The following NETO1 variants were observed in gnomAD, a reference collection of about 807,000 sequenced individuals.
NETO1 encodes neuropilin and tolloid-like protein 1.
Under a neutral mutation model 61.3 loss-of-function variants are expected in NETO1, and 26 were observed. The ratio of observed to expected loss-of-function variants is 0.42; its 90% CI spans 0.31 to 0.59. The LOEUF (loss-of-function observed/expected upper bound fraction) is 0.59. Among genes scored for constraint, NETO1 ranks in the 20% least tolerant of loss-of-function variants. The pLI, the probability that NETO1 is intolerant of heterozygous loss-of-function variation, is 0.12. For missense variants in NETO1, 531 were observed against 662.8 expected (o/e 0.80, Z 2.18); for synonymous variants, 225 against 225.8 (o/e 1.00, Z 0.03).
chr18:72,841,676 G>A (rs1261549686), intron 4 of NETO1, among the ~76,000 whole-genome samples: 1 of 137,860 alleles, frequency 7.3e-6, no homozygotes, highest in Non-Finnish European at 1.5e-5. Flanking sequence ...GGAGGTTGCA[G>A]TGAGCTGAGA....
chr18:72,796,871 CT>C lies in NETO1; in HGVS notation c.470-2468del, dbSNP rs2145295517. The stretch of plus-strand genomic sequence containing the variant: ...TAGATCATTTGGAACAAGATGCTTC[CT>C]AGTAGAAATTTGTTTCTTCATCTAA... On this transcript the variant is annotated intron_variant, in intron 4 of 10. Transcript: ENST00000327305. Among the ~76,000 whole-genome samples the C allele has an allele frequency of 1.3e-5, 2 of 152,156 alleles. 1 individual carries two copies. Among genetic ancestry groups the C allele is most frequent in the African/African-American group, 4.8e-5 (2 of 41,512 alleles).
intron 4 of NETO1, among the ~76,000 whole-genome samples, chr18:72,799,593 T>G (rs1226897779): frequency 1.3e-5 from 2 of 152,252 alleles, no homozygotes; most frequent in Non-Finnish European, 2.9e-5. Context: ...ACAGAAATGC[T>G]GTGCTGGCTA....
At chr18:72,774,195 A>G (rs2071470249) in intron 7 of NETO1, among the ~76,000 whole-genome samples, 1 of 152,206 alleles carries the variant, frequency 6.6e-6, no homozygotes, top group Admixed American at 6.5e-5. Flanking sequence ...AGAGCAGAAG[A>G]GCAGCTAAAT....
intron 4 of NETO1, among the ~76,000 whole-genome samples, chr18:72,856,038 T>C (rs1255776668): frequency 6.6e-6 from 1 of 152,222 alleles, no homozygotes. Context: ...TTAGTATGTA[T>C]ACATATGTAT....
intron 4 of NETO1, among the ~76,000 whole-genome samples, chr18:72,796,255 T>C (rs1029650577): frequency 6.6e-6 from 1 of 152,156 alleles, no homozygotes; most frequent in African/African-American, 2.4e-5. Flanking sequence ...TACAGGCTGA[T>C]TGTTAGTTTA....
intron 7 of NETO1, among the ~76,000 whole-genome samples, chr18:72,778,276 G>C (rs552406657): frequency 6.6e-6 from 1 of 152,212 alleles, no homozygotes; most frequent in East Asian, 1.9e-4. Flanking sequence ...CCACCGAGTT[G>C]GCCAATCCAC....
chr18:72,837,613 A>G (rs879002835), intron 4 of NETO1, among the ~76,000 whole-genome samples: 3 of 152,184 alleles, frequency 2.0e-5, no homozygotes, highest in South Asian at 2.1e-4. Context: ...CTATTTTCTT[A>G]ATTATAATAT....
chr18:72,866,749 T>A, intron 1 of NETO1: 3 of 989,402 alleles, frequency 3.0e-6, no homozygotes, highest in Non-Finnish European at 3.6e-6. Context: ...CACACACCCA[T>A]AAAGCGACAT....
Position 72,783,909 on chromosome 18 carries a change from A to G in NETO1, c.640-3T>C, listed in dbSNP as rs1436968932. ...TAGTCCAAGAATCGTAAGTAAATCT[A>G]TAAAACAAAAATAAAATAATTTCCA... On this transcript the variant is annotated splice_polypyrimidine_tract_variant and splice_region_variant and intron_variant, in intron 6 of 10. Coordinates refer to ENST00000327305, the MANE Select transcript of NETO1 (RefSeq NM_138966.5). 3 of 1,594,340 alleles carry G rather than the reference A, an allele frequency of 1.9e-6. No homozygotes were observed. The Admixed American group carries it at 5.0e-5, about 27-fold the overall frequency.
In NETO1 at chr18:72,867,778, G is replaced by GCGGCGGCGGCGGCGC. The variant is rs1171366502; in HGVS notation, c.-502_-488dup. On this transcript the variant is annotated 5_prime_UTR_variant, in exon 1 of 11. Transcript: ENST00000327305. ...CAGACCGACGGCAGCGACGGAGCGG[G>GCGGCGGCGGCGGCGC]CGGCGGCGGCGGCGCCGGCGGCGGC... 1 of 156,342 alleles carries GCGGCGGCGGCGGCGC rather than the reference G, an allele frequency of 6.4e-6. No homozygotes were observed. The highest frequency in any genetic ancestry group is 2.5e-5 in the African/African-American group (1 of 40,512). 9.7% of individuals were successfully genotyped at this position (156,342 alleles called of 1,614,324 possible).
chr18:72,781,732 G>A (rs1017731471), intron 7 of NETO1, among the ~76,000 whole-genome samples: 7 of 152,180 alleles, frequency 4.6e-5, no homozygotes, highest in Admixed American at 1.3e-4. Flanking sequence ...TGGCTCCTCT[G>A]CTGCTGACAA....
At chr18:72,814,687 C>T (rs1367401676) in intron 4 of NETO1, among the ~76,000 whole-genome samples, 1 of 151,692 alleles carries the variant, frequency 6.6e-6, no homozygotes, top group Non-Finnish European at 1.5e-5. Flanking sequence ...TATGCAAATT[C>T]AAAACCAAAG....
At chr18:72,793,414 G>T (rs555339111) in intron 6 of NETO1, among the ~76,000 whole-genome samples, 1 of 152,218 alleles carries the variant, frequency 6.6e-6, no homozygotes, top group African/African-American at 2.4e-5. Context: ...CCAAAATGGG[G>T]TCCTGAGTCA....
At chr18:72,763,134 T>A (rs548245074) in intron 7 of NETO1, among the ~76,000 whole-genome samples, 1 of 140,332 alleles carries the variant, frequency 7.1e-6, no homozygotes, top group South Asian at 2.1e-4. Context: ...TAGATTTCGT[T>A]TTTTTTTTTG....
chr18:72,838,468 T>C (rs1349106122), intron 4 of NETO1, among the ~76,000 whole-genome samples: 1 of 152,200 alleles, frequency 6.6e-6, no homozygotes, highest in Non-Finnish European at 1.5e-5. Flanking sequence ...CCACTTGGCT[T>C]GTAGGTAACT....
chr18:72,851,112 G>A (rs1220430968), intron 4 of NETO1, among the ~76,000 whole-genome samples: 1 of 152,126 alleles, frequency 6.6e-6, no homozygotes, highest in African/African-American at 2.4e-5. Flanking sequence ...TAGGGAGCAG[G>A]AAAATTCGTG....
chr18:72,790,112 G>A (rs1045895135), intron 6 of NETO1, among the ~76,000 whole-genome samples: 10 of 152,078 alleles, frequency 6.6e-5, no homozygotes, highest in African/African-American at 9.7e-5. Flanking sequence ...TATGAAATGA[G>A]TAAACTGTGT....
At chr18:72,838,119 G>C (rs1015122011) in intron 4 of NETO1, among the ~76,000 whole-genome samples, 2 of 152,226 alleles carry the variant, frequency 1.3e-5, no homozygotes, top group African/African-American at 4.8e-5. Context: ...AAAGAAAAAG[G>C]AAACAAGCCT....
Position 72,769,030 on chromosome 18 carries a change from C to T in NETO1, c.869-12883G>A, listed in dbSNP as rs552229890. Among the ~76,000 whole-genome samples, 4 of 152,252 alleles carry T rather than the reference C, an allele frequency of 2.6e-5. No homozygotes were observed. In the South Asian group the frequency reaches 6.2e-4, roughly 24 times the overall value. On this transcript the variant is annotated intron_variant, in intron 7 of 10. Coordinates refer to ENST00000327305, the MANE Select transcript of NETO1 (RefSeq NM_138966.5). The stretch of plus-strand genomic sequence containing the variant: ...CCAAAGTGGCCGTCGCTGTACAGCG[C>T]GGCAAGCAGGGACAGGAGAGGGCAG...
Sources: gnomAD v4.1 joint callset for allele counts (sites outside exome capture counted in the v4.1 genomes callset) on GRCh38, gnomAD v4.1.1 for gene constraint, MANE v1.5 for transcripts, NCBI Gene and HGNC (gene_info 2026-07-23, HGNC 2026-07-21) for gene names.